The following ZER1 variants were observed in gnomAD, a reference collection of about 807,000 sequenced individuals.
ZER1 encodes zyg-11 related cell cycle regulator.
A neutral mutation model predicts 78.8 loss-of-function variants in ZER1; 11 were observed. The ratio of observed to expected loss-of-function variants is 0.14; its 90% CI spans 0.09 to 0.23. The LOEUF is 0.23. ZER1 is among the 10% of genes least tolerant of loss of function. The probability of loss-of-function intolerance (pLI) is 1.00; values close to 1 mark genes in which losing one functional copy is unlikely to be tolerated. For synonymous variants in ZER1, 400 were observed against 407.0 expected (o/e 0.98, Z 0.21); for missense variants, 588 against 996.9 (o/e 0.59, Z 5.52).
intron 1 of ZER1, among the ~76,000 whole-genome samples, chr9:128,765,478 C>A (rs907208383): frequency 3.3e-5 from 5 of 152,212 alleles, no homozygotes; most frequent in African/African-American, 1.2e-4. Context: ...AAACCTAAAG[C>A]AGACCCCCGC....
At chr9:128,750,078 T>C (rs751402342) in intron 8 of ZER1, among the ~76,000 whole-genome samples, 6 of 152,132 alleles carry the variant, frequency 3.9e-5, no homozygotes, top group Non-Finnish European at 8.8e-5. Flanking sequence ...ATAAGGGAGA[T>C]GTTCATATTC....
Position 128,751,125 on chromosome 9 carries a change from C to A in ZER1, c.1182G>T (p.Leu394=). ...IERCNQLLRA[L]KLVITALKCH... is the part of the protein sequence containing the mutation. ...AGGCCCCAGGCTTGGAGCTGACCTT[C>A]AGGGCCCGCAGCAGCTGGTTGCAAC... The change falls in exon 7 of 16, where the codon CTG becomes CTT. Residue 394 remains leucine, a synonymous_variant. Transcript: ENST00000291900. This position sits in a 1 kb window ranked among gnomAD's most constrained non-coding sequence, Gnocchi z 5.4. The A allele has an allele frequency of 6.3e-7, 1 of 1,590,438 alleles. No individual in the cohort carries two copies.
At chr9:128,748,977 A>T (rs1300449610) in intron 8 of ZER1, among the ~76,000 whole-genome samples, 2 of 144,098 alleles carry the variant, frequency 1.4e-5, no homozygotes, top group Admixed American at 6.9e-5. Flanking sequence ...AAGTGCTGGG[A>T]TTACAGGCGT....
Position 128,733,532 on chromosome 9 carries a change from T to G in ZER1, c.2141-4A>C. Reference sequence around the variant, plus strand: ...AGCAGAGGGCAGTACTTGTCCGCTGTGGGATAGGAGCAGACAGCAGAGGAT... The same window carrying G: ...AGCAGAGGGCAGTACTTGTCCGCTGGGGGATAGGAGCAGACAGCAGAGGAT... On this transcript the variant is annotated splice_region_variant and splice_polypyrimidine_tract_variant and intron_variant, in intron 14 of 15. Coordinates refer to ENST00000291900, the MANE Select transcript of ZER1 (RefSeq NM_006336.4). The G allele has an allele frequency of 6.2e-7, 1 of 1,611,954 alleles. No individual in the cohort carries two copies. Among genetic ancestry groups the G allele is most frequent in the Non-Finnish European group, 8.5e-7 (1 of 1,178,978 alleles).
At chr9:128,746,444 T>C (rs1327555271) in intron 8 of ZER1, among the ~76,000 whole-genome samples, 1 of 151,374 alleles carries the variant, frequency 6.6e-6, no homozygotes, top group African/African-American at 2.4e-5. Flanking sequence ...GTCTTCTTTT[T>C]CTCTCTTCTT....
At chr9:128,762,955 C>A (rs1864094865) in intron 1 of ZER1, among the ~76,000 whole-genome samples, 1 of 152,228 alleles carries the variant, frequency 6.6e-6, no homozygotes, top group Non-Finnish European at 1.5e-5. Flanking sequence ...TTCAAGCCCA[C>A]CGGAATTACA....
At chr9:128,734,082 C>A (rs1355562649) in intron 14 of ZER1, among the ~76,000 whole-genome samples, 24 of 85,844 alleles carry the variant, frequency 2.8e-4, no homozygotes, top group African/African-American at 9.4e-4. Flanking sequence ...GAGTCGAGAT[C>A]GCGCCACTGC....
chr9:128,730,583 A>G lies in ZER1; in HGVS notation c.*754T>C, dbSNP rs1390903752. 6.5e-6 allele frequency: 1 copy of G among 152,700 alleles called. No individual in the cohort carries two copies. The highest frequency in any genetic ancestry group is 1.5e-5 in the Non-Finnish European group (1 of 68,096). The allele number at this position is 152,700 out of a possible 1,614,324, so 9.5% of individuals were successfully genotyped here. A position where few individuals can be genotyped will look rare whatever the true frequency, so the allele number is the denominator to read the frequency against. On this transcript the variant is annotated 3_prime_UTR_variant, in exon 16 of 16. Transcript: ENST00000291900. ...TGGAATCTGCCCCTGAGTTCTGACC[A>G]TCCCTGGGCTGGGGCTTTCCACAGC...
chr9:128,750,934 G>T, intron 7 of ZER1, 145 bp from the exon 8 acceptor site: 1 of 1,411,524 alleles, frequency 7.1e-7, no homozygotes, highest in Non-Finnish European at 9.6e-7. Flanking sequence ...GCAGACACCA[G>T]GGTGGGGACC....
chr9:128,768,087 G>A (rs953190743), intron 1 of ZER1, among the ~76,000 whole-genome samples: 1 of 152,196 alleles, frequency 6.6e-6, no homozygotes, highest in Non-Finnish European at 1.5e-5. Flanking sequence ...TAATTATGAA[G>A]AGTGATGTTC....
chr9:128,753,487 G>A lies in ZER1; in HGVS notation c.423C>T (p.Asn141=), dbSNP rs760501040. The change falls in exon 4 of 16, where the codon AAC becomes AAT. Residue 141 remains asparagine (N), a synonymous_variant. Coordinates refer to ENST00000291900, the MANE Select transcript of ZER1 (RefSeq NM_006336.4). This position sits in a 1 kb window ranked among gnomAD's most constrained non-coding sequence, Gnocchi z 7.5. ...LVSLSLFGCT[N]IFYEEENPGG... ...CTGGGTTCTCCTCCTCATAGAAAAT[G>A]TTTGTACAGCCGAAGAGGCTCAAGG... 3 of 1,614,042 alleles carry A rather than the reference G, an allele frequency of 1.9e-6. No individual in the cohort carries two copies. The Admixed American group carries it at 5.0e-5, about 27-fold the overall frequency.
At position 128,759,478 on chromosome 9, in the gene ZER1, G is replaced by A. The variant is rs560032830; in HGVS notation, c.-94-3819C>T. ...AGATGTGAGCCACCGTGCCTGGCCC[G>A]AATATTGTAATTGAATAGAAAGTTA... On this transcript the variant is annotated intron_variant, in intron 1 of 15. Coordinates refer to ENST00000291900, the MANE Select transcript of ZER1 (RefSeq NM_006336.4). Among the ~76,000 whole-genome samples, 64 of 150,488 alleles carry A rather than the reference G, an allele frequency of 4.3e-4. No homozygotes were observed. In the South Asian group the frequency reaches 0.011, roughly 27 times the overall value.
Position 128,740,055 on chromosome 9 carries a change from G to A in ZER1, c.1918C>T (p.His640Tyr). 1 of 1,613,966 alleles carries A rather than the reference G, an allele frequency of 6.2e-7. No individual in the cohort carries two copies. The highest frequency in any genetic ancestry group is 1.3e-5 in the African/African-American group (1 of 75,028). Residue 640 changes from histidine to tyrosine, a missense_variant, in exon 13 of 16, where the codon CAC becomes TAC. His to Tyr is a moderately conservative substitution (Grantham distance 83, BLOSUM62 2). Transcript: ENST00000291900. The surrounding 1 kb of genome is among the most constrained non-coding windows in gnomAD (Gnocchi z 4.4). The part of the protein sequence containing the change: ...VSYNACGVLS[H>Y]IMFDGPEAWG... The stretch of plus-strand genomic sequence containing the variant: ...GCCTCGGGTCCATCAAACATGATGT[G>A]GGAGAGGACGCCGCAGGCATTGTAG...
chr9:128,743,959 C>T (rs1266720922), intron 8 of ZER1, among the ~76,000 whole-genome samples: 6 of 132,666 alleles, frequency 4.5e-5, no homozygotes, highest in African/African-American at 8.6e-5. Context: ...AGTGCAGTGG[C>T]GTGATCTCAG....
intron 13 of ZER1, 140 bp downstream of exon 13, chr9:128,739,791 G>T: frequency 9.7e-7 from 1 of 1,027,000 alleles, no homozygotes. Context: ...GTGCGGCTAC[G>T]TATCAATGAG....
intron 14 of ZER1, 78 bp from the exon 15 acceptor site, chr9:128,733,606 G>T: frequency 7.7e-7 from 1 of 1,303,658 alleles, no homozygotes; most frequent in Non-Finnish European, 1.1e-6. Context: ...CACCCTGTCT[G>T]TGAGGACTAT....
chr9:128,741,400 G>T (rs1564395237), intron 11 of ZER1, 135 bp downstream of exon 11: 1 of 1,357,974 alleles, frequency 7.4e-7, no homozygotes, highest in East Asian at 2.3e-5. Flanking sequence ...GGGTGGGCCT[G>T]AGTCTGTCCC....
chr9:128,768,715 G>A (rs765332781), intron 1 of ZER1, among the ~76,000 whole-genome samples: 2 of 152,102 alleles, frequency 1.3e-5, no homozygotes, highest in Non-Finnish European at 2.9e-5. Flanking sequence ...GGGGTATAAG[G>A]AGGGAGATCA....
intron 13 of ZER1, 59 bp downstream of exon 13, chr9:128,739,872 C>A: frequency 6.4e-7 from 1 of 1,554,482 alleles, no homozygotes; most frequent in African/African-American, 1.4e-5. Context: ...GTATGAGCAT[C>A]CTGCCCAGCA....
Sources: allele counts gnomAD v4.1 joint callset (sites outside exome capture counted in the v4.1 genomes callset), GRCh38; gene constraint gnomAD v4.1.1; non-coding constraint Gnocchi (gnomAD v3.1); transcripts MANE v1.5; gene names NCBI Gene and HGNC (gene_info 2026-07-23, HGNC 2026-07-21).